The following PCLO variants were observed in gnomAD, a reference collection of about 807,000 sequenced individuals.
The protein encoded by PCLO is protein piccolo.
A neutral mutation model predicts 427.5 loss-of-function variants in PCLO; 82 were observed. That is an observed-to-expected ratio of 0.19 (90% CI 0.16 to 0.23). The LOEUF (loss-of-function observed/expected upper bound fraction) is 0.23, where lower values mean the gene tolerates loss of function less well. Among genes scored for constraint, PCLO ranks in the 10% least tolerant of loss-of-function variants. PCLO has a pLI of 1.00. For missense variants in PCLO, 6,239 were observed against 6,115.9 expected, an observed-to-expected ratio of 1.02 and a Z score of -0.67; for synonymous variants, 2,357 against 2,155.4, an observed-to-expected ratio of 1.09 and a Z score of -2.59.
At chr7:83,150,562 C>T (rs1190899484) in intron 2 of PCLO, among the ~76,000 whole-genome samples, 1 of 152,152 alleles carries the variant, frequency 6.6e-6, no homozygotes, top group Non-Finnish European at 1.5e-5. Flanking sequence ...AGGGAGTAAA[C>T]ATGTCCCCTT....
intron 4 of PCLO, among the ~76,000 whole-genome samples, chr7:82,961,250 A>G (rs997861323): frequency 1.3e-5 from 2 of 152,200 alleles, no homozygotes; most frequent in African/African-American, 2.4e-5. Flanking sequence ...AAGTCATGCT[A>G]GCAAAGTGGT....
chr7:82,831,989 T>C (rs1010918856), intron 16 of PCLO, among the ~76,000 whole-genome samples: 4 of 152,150 alleles, frequency 2.6e-5, no homozygotes, highest in Non-Finnish European at 4.4e-5. Context: ...AACAGGGGGA[T>C]TCTTAAATGT....
At chr7:82,804,379 C>T (rs1208611666) in intron 21 of PCLO, among the ~76,000 whole-genome samples, 1 of 152,084 alleles carries the variant, frequency 6.6e-6, no homozygotes, top group African/African-American at 2.4e-5. Flanking sequence ...AAAATGAACT[C>T]GTTTTTCACT....
chr7:82,953,244 G>C lies in PCLO; in HGVS notation c.7709C>G (p.Pro2570Arg). Residue 2570 changes from proline (P) to arginine (R), a missense_variant, in exon 5 of 25, where the codon CCA becomes CGA. Pro to Arg is a moderately radical substitution (Grantham distance 103). Coordinates refer to ENST00000333891, the MANE Select transcript of PCLO (RefSeq NM_033026.6). The part of the protein sequence containing the change: ...PLSPHSNKSS[P>R]RFSKSLTETY... ...TTCTGTGAGGGATTTGGAAAATCTT[G>C]GTGAAGACTTGTTGGAGTGTGGGGA... 1.2e-6 allele frequency: 2 copies of C among 1,613,920 alleles called. No individual in the cohort carries two copies. The highest frequency in any genetic ancestry group is 1.7e-6 in the Non-Finnish European group (2 of 1,179,854).
chr7:82,814,237 T>A (rs1227595267), intron 20 of PCLO, among the ~76,000 whole-genome samples: 1 of 151,476 alleles, frequency 6.6e-6, no homozygotes, highest in East Asian at 1.9e-4. Context: ...ATTGAAAAAA[T>A]GTCATTTGTC....
At chr7:83,119,153 A>G (rs1791211169) in intron 3 of PCLO, among the ~76,000 whole-genome samples, 1 of 152,076 alleles carries the variant, frequency 6.6e-6, no homozygotes, top group Admixed American at 6.5e-5. Flanking sequence ...AGGAGCTCCT[A>G]AGCCTTGAAT....
chr7:82,902,021 T>C (rs1300514459), intron 9 of PCLO, among the ~76,000 whole-genome samples: 6 of 151,720 alleles, frequency 4.0e-5, no homozygotes, highest in African/African-American at 1.5e-4. Flanking sequence ...AGTGTGGCGA[T>C]TCCTCAGGGA....
chr7:82,941,463 A>C (rs1795084392), intron 6 of PCLO, among the ~76,000 whole-genome samples: 2 of 152,322 alleles, frequency 1.3e-5, no homozygotes, highest in Middle Eastern at 3.4e-3. Context: ...TAGTGCAAAT[A>C]AAATTGATGT....
intron 9 of PCLO, among the ~76,000 whole-genome samples, chr7:82,885,674 T>C (rs1458678418): frequency 6.6e-6 from 1 of 151,844 alleles, no homozygotes; most frequent in East Asian, 1.9e-4. Flanking sequence ...TGATAGAGGG[T>C]AGGGATGAAG....
Position 83,162,702 on chromosome 7 carries a change from G to A in PCLO, c.-110C>T, listed in dbSNP as rs897121386. 2.7e-5 allele frequency: 37 copies of A among 1,366,340 alleles called. No individual in the cohort carries two copies. Among genetic ancestry groups the A allele is most frequent in the Non-Finnish European group, 3.4e-5 (35 of 1,035,398 alleles). The allele number at this position is 1,366,340 out of a possible 1,614,324, so 84.6% of individuals were successfully genotyped here. A position where few individuals can be genotyped will look rare whatever the true frequency, so the allele number is the denominator to read the frequency against. On this transcript the variant is annotated 5_prime_UTR_variant, in exon 1 of 25. Transcript: ENST00000333891. Reference sequence around the variant, plus strand: ...CCGGGGTCCGCCTCGGGGCGTGCAGGCAGCCGAGTCCCTGGACTCTGGACC... The same window carrying A: ...CCGGGGTCCGCCTCGGGGCGTGCAGACAGCCGAGTCCCTGGACTCTGGACC...
At chr7:82,999,319 T>C (rs1222769229) in intron 3 of PCLO, among the ~76,000 whole-genome samples, 3 of 139,520 alleles carry the variant, frequency 2.2e-5, no homozygotes. Context: ...TATATATGGA[T>C]ATGTAATAAA....
At chr7:82,968,165 T>A (rs1488041756) in intron 3 of PCLO, among the ~76,000 whole-genome samples, 1 of 152,200 alleles carries the variant, frequency 6.6e-6, no homozygotes, top group Admixed American at 6.5e-5. Context: ...AAGACAAAAG[T>A]CAATTCTGTA....
At chr7:82,824,787 CAA>C (rs572757696) in intron 18 of PCLO, among the ~76,000 whole-genome samples, 1 of 141,684 alleles carries the variant, frequency 7.1e-6, no homozygotes, top group Non-Finnish European at 1.5e-5. Context: ...GCTAAAAATA[CAA>C]AAAAAAAAAA....
intron 3 of PCLO, among the ~76,000 whole-genome samples, chr7:82,978,796 G>T (rs1421241336): frequency 6.7e-6 from 1 of 149,362 alleles, no homozygotes; most frequent in African/African-American, 2.5e-5. Flanking sequence ...ATTGGATTTG[G>T]AAAACAAAGA....
intron 22 of PCLO, among the ~76,000 whole-genome samples, chr7:82,799,257 A>G (rs1006049537): frequency 1.3e-5 from 2 of 152,210 alleles, no homozygotes; most frequent in Non-Finnish European, 2.9e-5. Context: ...TTTGTTATTC[A>G]TTTGCTCAAC....
intron 1 of PCLO, among the ~76,000 whole-genome samples, chr7:83,159,737 C>T (rs1792386785): frequency 6.6e-6 from 1 of 151,892 alleles, no homozygotes. Context: ...CTTGACAGTG[C>T]TGAGTCACAT....
intron 3 of PCLO, among the ~76,000 whole-genome samples, chr7:83,088,422 C>T (rs1790293087): frequency 6.6e-6 from 1 of 152,098 alleles, no homozygotes. Flanking sequence ...TCTTAAGGTC[C>T]CTGAGGGCCC....
chr7:82,812,126 C>T (rs1791585064), intron 20 of PCLO, among the ~76,000 whole-genome samples: 1 of 151,198 alleles, frequency 6.6e-6, no homozygotes, highest in South Asian at 2.1e-4. Flanking sequence ...TGGTAAATCT[C>T]GTATATTCAC....
rs1206436273 is a variant in PCLO at position 82,847,183 on chromosome 7, A to G, written c.13719T>C (p.Ser4573=). The G allele has an allele frequency of 1.2e-6, 2 of 1,605,882 alleles. No homozygotes were observed. The highest frequency in any genetic ancestry group is 2.2e-5 in the East Asian group (1 of 44,632). Residue 4573 remains serine (S), a synonymous_variant, in exon 11 of 25, where the codon AGT becomes AGC. Coordinates refer to ENST00000333891, the MANE Select transcript of PCLO (RefSeq NM_033026.6). Reference sequence around the variant, plus strand: ...CTTCCCCACTTTGCTGACTAATGATACTCTGAACTTCTTCATATGTTTTAG... The same window carrying G: ...CTTCCCCACTTTGCTGACTAATGATGCTCTGAACTTCTTCATATGTTTTAG... The part of the protein sequence containing the change: ...LTSKTYEEVQ[S]IISQQSGEAE...
Sources: allele counts gnomAD v4.1 joint callset (sites outside exome capture counted in the v4.1 genomes callset), GRCh38; gene constraint gnomAD v4.1.1; transcripts MANE v1.5; gene names NCBI Gene and HGNC (gene_info 2026-07-23, HGNC 2026-07-21).